STXBP6: variants seen among roughly 807,000 people sequenced by gnomAD.
STXBP6 encodes the protein syntaxin-binding protein 6.
Under a neutral mutation model 26.9 loss-of-function variants are expected in STXBP6, and 21 were observed. That is an observed-to-expected ratio of 0.78 (90% confidence interval 0.55 to 1.12). The LOEUF (loss-of-function observed/expected upper bound fraction) is 1.12, where lower values mean the gene tolerates loss of function less well. STXBP6 is among the 50% of genes most tolerant of loss of function. The probability of loss-of-function intolerance (pLI) is 0.00; values close to 1 mark genes in which losing one functional copy is unlikely to be tolerated. For synonymous variants in STXBP6, 97 were observed against 92.6 expected, an observed-to-expected ratio of 1.05 and a Z score of -0.27; for missense variants, 232 against 257.9, an observed-to-expected ratio of 0.90 and a Z score of 0.69.
chr14:25,012,358 T>C (rs1438070153), intron 1 of STXBP6, among the ~76,000 whole-genome samples: 2 of 152,158 alleles, frequency 1.3e-5, no homozygotes, highest in African/African-American at 4.8e-5. Flanking sequence ...GTCAGGCATG[T>C]TGGCTCACAT....
At chr14:24,842,350 G>A (rs1412215437) in intron 4 of STXBP6, among the ~76,000 whole-genome samples, 1 of 152,162 alleles carries the variant, frequency 6.6e-6, no homozygotes, top group Non-Finnish European at 1.5e-5. Context: ...ATAGTAGCAT[G>A]GAATTCAAAC....
chr14:25,010,308 C>T (rs980784911), intron 1 of STXBP6, among the ~76,000 whole-genome samples: 16 of 152,186 alleles, frequency 1.1e-4, no homozygotes, highest in Non-Finnish European at 5.9e-5. Flanking sequence ...ACTTCTTCTC[C>T]GGTAAACCTA....
chr14:25,011,808 G>C (rs971126807), intron 1 of STXBP6, among the ~76,000 whole-genome samples: 12 of 152,310 alleles, frequency 7.9e-5, no homozygotes, highest in African/African-American at 2.9e-4. Context: ...CAATAGATTG[G>C]ATCCTGGGTT....
chr14:24,908,398 A>G (rs1480188979), intron 2 of STXBP6, among the ~76,000 whole-genome samples: 1 of 152,196 alleles, frequency 6.6e-6, no homozygotes, highest in African/African-American at 2.4e-5. Context: ...TGCTTTCATA[A>G]GAGCCAGAAT....
At chr14:24,916,377 T>A (rs1187018237) in intron 2 of STXBP6, among the ~76,000 whole-genome samples, 1 of 152,140 alleles carries the variant, frequency 6.6e-6, no homozygotes, top group Admixed American at 6.6e-5. Flanking sequence ...TGAGTCATGA[T>A]GTTGAGAATA....
chr14:24,862,982 T>G (rs1400595362), intron 2 of STXBP6, among the ~76,000 whole-genome samples: 1 of 152,154 alleles, frequency 6.6e-6, no homozygotes, highest in Non-Finnish European at 1.5e-5. Flanking sequence ...CAGGCCCACA[T>G]GAGATCGATC....
chr14:25,021,097 A>G (rs1439677397), intron 1 of STXBP6, among the ~76,000 whole-genome samples: 4 of 151,958 alleles, frequency 2.6e-5, no homozygotes, highest in Middle Eastern at 3.2e-3. Context: ...CATCCACACC[A>G]CCACCACCCC....
chr14:24,824,261 T>C (rs2068220857), intron 4 of STXBP6, among the ~76,000 whole-genome samples: 1 of 152,194 alleles, frequency 6.6e-6, no homozygotes, highest in Non-Finnish European at 1.5e-5. Flanking sequence ...CTACTCAGTG[T>C]CAGTTAGACA....
chr14:25,031,300 A>G (rs1273677077), intron 1 of STXBP6, among the ~76,000 whole-genome samples: 2 of 152,208 alleles, frequency 1.3e-5, no homozygotes, highest in African/African-American at 4.8e-5. Context: ...GAAAATCACA[A>G]TGAGCTGGAG....
At chr14:24,979,252 T>C (rs1378123017) in intron 1 of STXBP6, among the ~76,000 whole-genome samples, 1 of 152,242 alleles carries the variant, frequency 6.6e-6, no homozygotes, top group African/African-American at 2.4e-5. Flanking sequence ...ACAATTATTC[T>C]AGACTATGTA....
chr14:24,977,611 G>A (rs2074083494), intron 1 of STXBP6, among the ~76,000 whole-genome samples: 2 of 152,022 alleles, frequency 1.3e-5, no homozygotes, highest in Non-Finnish European at 2.9e-5. Context: ...CTACCTCCTG[G>A]AACTAAAGAA....
At chr14:24,920,983 C>T (rs971641004) in intron 2 of STXBP6, among the ~76,000 whole-genome samples, 1 of 152,084 alleles carries the variant, frequency 6.6e-6, no homozygotes, top group East Asian at 1.9e-4. Context: ...GCTGACTACA[C>T]AGCAGACACA....
chr14:25,018,808 A>G (rs1018428150), intron 1 of STXBP6, among the ~76,000 whole-genome samples: 6 of 152,192 alleles, frequency 3.9e-5, no homozygotes, highest in Non-Finnish European at 5.9e-5. Flanking sequence ...AAATTCTTCA[A>G]TGTAGGATCT....
At chr14:24,998,294 G>T (rs948668960) in intron 1 of STXBP6, among the ~76,000 whole-genome samples, 1 of 151,970 alleles carries the variant, frequency 6.6e-6, no homozygotes, top group African/African-American at 2.4e-5. Flanking sequence ...AAGTGGGAAG[G>T]GGTTATTTTA....
At chr14:24,917,877 T>C (rs1189447733) in intron 2 of STXBP6, among the ~76,000 whole-genome samples, 1 of 152,068 alleles carries the variant, frequency 6.6e-6, no homozygotes, top group Non-Finnish European at 1.5e-5. Flanking sequence ...TAAGACATTA[T>C]GTCAGTCACA....
At chr14:24,943,413 T>A (rs1185167199) in intron 2 of STXBP6, among the ~76,000 whole-genome samples, 2 of 152,228 alleles carry the variant, frequency 1.3e-5, no homozygotes, top group Non-Finnish European at 2.9e-5. Flanking sequence ...ACTGACTTAC[T>A]GAAGCCACTG....
chr14:24,955,791 A>C (rs372805223), intron 2 of STXBP6, among the ~76,000 whole-genome samples: 12 of 152,312 alleles, frequency 7.9e-5, no homozygotes, highest in African/African-American at 2.4e-4. Context: ...CAACAACCAC[A>C]GTAAGAGCAG....
chr14:24,835,361 A>G (rs1036179247), intron 4 of STXBP6, among the ~76,000 whole-genome samples: 14 of 152,196 alleles, frequency 9.2e-5, no homozygotes, highest in African/African-American at 3.4e-4. Context: ...TTTGACCAGT[A>G]AAAGAGGTGA....
intron 2 of STXBP6, among the ~76,000 whole-genome samples, chr14:24,909,576 T>C (rs12893418): frequency 0.15 from 22,814 of 151,286 alleles, 1,907 homozygotes; most frequent in African/African-American, 0.22. Flanking sequence ...AGTCCAAGAG[T>C]TCAAGTCCAG....
Sources: gnomAD v4.1 joint callset for allele counts (sites outside exome capture counted in the v4.1 genomes callset) on GRCh38, gnomAD v4.1.1 for gene constraint, MANE v1.5 for transcripts, NCBI Gene and HGNC (gene_info 2026-07-23, HGNC 2026-07-21) for gene names.